Variants in AGPAT3 observed in about 807,000 individuals in gnomAD.
The protein encoded by AGPAT3 is 1-acylglycerol-3-phosphate O-acyltransferase 3.
AGPAT3 carries 5 observed loss-of-function variants against 47.3 expected under a neutral mutation model. The observed-to-expected ratio is 0.11, with a 90% CI of 0.06 to 0.22. The LOEUF (loss-of-function observed/expected upper bound fraction) is 0.22. Ranked by LOEUF, AGPAT3 falls within the 10% of genes least tolerant of loss-of-function variation. AGPAT3 has a pLI of 1.00. For missense variants in AGPAT3, 315 were observed against 493.0 expected (o/e 0.64, Z 3.42); for synonymous variants, 212 against 208.3 (o/e 1.02, Z -0.15).
intron 2 of AGPAT3, among the ~76,000 whole-genome samples, chr21:43,940,448 T>C (rs1182004735): frequency 6.6e-6 from 1 of 152,194 alleles, no homozygotes; most frequent in East Asian, 1.9e-4. Context: ...CCTAGCCCTT[T>C]GCAGGGGAAC....
rs201335409 is a variant in AGPAT3, at chr21:43,971,458, C to A, written c.735C>A (p.Tyr245Ter). 6.2e-7 allele frequency: 1 copy of A among 1,614,206 alleles called. No homozygotes were observed. Among genetic ancestry groups the A allele is most frequent in the Non-Finnish European group, 8.5e-7 (1 of 1,180,034 alleles). The change falls in exon 7 of 10, where the codon TAC becomes TAA. Residue 245 changes from tyrosine (Y) to a stop codon, truncating the protein, a stop_gained. Coordinates refer to ENST00000291572, the MANE Select transcript of AGPAT3 (RefSeq NM_020132.5). LOFTEE classifies it high-confidence loss of function. ...ACCCGTCCCTGCTGGGGATCCTCTACGGGAAGAAGTACGAGGCGGACATGT... is the reference window on the plus strand; with the variant it reads ...ACCCGTCCCTGCTGGGGATCCTCTAAGGGAAGAAGTACGAGGCGGACATGT... Reference protein sequence around the residue: ...NKNPSLLGILYGKKYEADMCV... With the variant: ...NKNPSLLGIL
In AGPAT3 at chr21:43,985,990, A is replaced by G. The variant is rs1026528867; in HGVS notation, c.*3598A>G. 2 of 152,268 alleles carry G rather than the reference A, an allele frequency of 1.3e-5. No homozygotes were observed. The highest frequency in any genetic ancestry group is 4.1e-4 in the South Asian group (2 of 4,838). 9.4% of individuals were successfully genotyped at this position (152,268 alleles called of 1,614,324 possible). On this transcript the variant is annotated 3_prime_UTR_variant, in exon 10 of 10. Coordinates refer to ENST00000291572, the MANE Select transcript of AGPAT3 (RefSeq NM_020132.5). ...CTGAGCTAGTCCCCAAACCAAAGGC[A>G]AGCCCCCTCGGGCCTCGGGGGATGG... is the stretch of plus-strand genomic sequence containing the variant.
intron 1 of AGPAT3, among the ~76,000 whole-genome samples, chr21:43,886,770 CAG>C (rs905587882): frequency 2.0e-5 from 3 of 152,174 alleles, no homozygotes; most frequent in Non-Finnish European, 4.4e-5. Flanking sequence ...TTGCAAATGA[CAG>C]AACCTCATTC....
Position 43,920,777 on chromosome 21 carries a change from A to G in AGPAT3, c.-49+16758A>G, listed in dbSNP as rs559743015. 7.2e-5 allele frequency among the ~76,000 whole-genome samples: 11 copies of G among 152,250 alleles called. No individual in the cohort carries two copies. Among genetic ancestry groups the G allele is most frequent in the African/African-American group, 2.2e-4 (9 of 41,544 alleles). ...ACAGCAGCTCCGAGCTCCCTGCCCC[A>G]TACCTCACCCTGTGCATCTCTTCAT... On this transcript the variant is annotated intron_variant, in intron 2 of 9. Transcript: ENST00000291572. This position sits in a 1 kb window ranked among gnomAD's most constrained non-coding sequence, Gnocchi z 6.1.
Position 43,980,980 on chromosome 21 carries a change from C to T in AGPAT3, c.844-9C>T, listed in dbSNP as rs764662678. On this transcript the variant is annotated splice_polypyrimidine_tract_variant and intron_variant, in intron 8 of 9. Transcript: ENST00000291572. ...CTCACGCTTCCTTTTTCTCTGTTGA[C>T]TCTTCTAGGACGCGCTCCAGGAGAT... is the stretch of plus-strand genomic sequence containing the variant. 6.2e-7 allele frequency: 1 copy of T among 1,607,556 alleles called. No homozygotes were observed. Among genetic ancestry groups the T allele is most frequent in the Non-Finnish European group, 8.5e-7 (1 of 1,175,522 alleles).
chr21:43,946,632 T>C (rs2087903129), intron 2 of AGPAT3, among the ~76,000 whole-genome samples: 2 of 151,756 alleles, frequency 1.3e-5, no homozygotes, highest in South Asian at 4.2e-4. Context: ...GAGACATTGA[T>C]GACCAGTTTA....
At chr21:43,882,660 G>A (rs2085879292) in intron 1 of AGPAT3, 1 of 152,362 alleles carries the variant, frequency 6.6e-6, no homozygotes, top group Non-Finnish European at 1.5e-5. Context: ...CTAAGAACCA[G>A]CAGTGCCTTC....
chr21:43,877,000 AG>A (rs1277799335), intron 1 of AGPAT3, among the ~76,000 whole-genome samples: 2 of 152,100 alleles, frequency 1.3e-5, no homozygotes. Flanking sequence ...CTGGGACTAC[AG>A]GTGCATGCCA....
At chr21:43,873,340 G>T (rs1195187567) in intron 1 of AGPAT3, among the ~76,000 whole-genome samples, 2 of 152,226 alleles carry the variant, frequency 1.3e-5, no homozygotes, top group Non-Finnish European at 2.9e-5. Flanking sequence ...GAAGGAGTGA[G>T]CCGCAGAAGT....
chr21:43,872,667 C>T (rs2085647020), intron 1 of AGPAT3, among the ~76,000 whole-genome samples: 1 of 152,188 alleles, frequency 6.6e-6, no homozygotes, highest in South Asian at 2.1e-4. Context: ...TCTGTTTCTT[C>T]CTTATATCTT....
Position 43,981,635 on chromosome 21 carries a change from G to A in AGPAT3, c.1042+448G>A, listed in dbSNP as rs556561358. Among the ~76,000 whole-genome samples the A allele has an allele frequency of 1.7e-4, 26 of 152,170 alleles. No individual in the cohort carries two copies. Among genetic ancestry groups the A allele is most frequent in the East Asian group, 9.7e-4 (5 of 5,170 alleles). ...CCAGGCACAATGCCAGGCCCACCAC[G>A]ACTCATCAGCTAGCCTGGGGCCGAA... is the stretch of plus-strand genomic sequence containing the variant. On this transcript the variant is annotated intron_variant, in intron 9 of 9. Transcript: ENST00000291572. The surrounding 1 kb of genome is among the most constrained non-coding windows in gnomAD (Gnocchi z 5.3).
Position 43,967,959 on chromosome 21 carries a change from G to C in AGPAT3, c.192G>C (p.Leu64=), listed in dbSNP as rs369212862. 3.5e-5 allele frequency: 56 copies of C among 1,613,872 alleles called. No individual in the cohort carries two copies. Among genetic ancestry groups the C allele is most frequent in the Non-Finnish European group, 4.6e-5 (54 of 1,179,986 alleles). ...AYSLWSQLVM[L]LEWWSCTECT... is the part of the protein sequence containing the mutation. Reference sequence around the variant, plus strand: ...CCCTGTCCGCAGAACTGGTCATGCTGCTGGAGTGGTGGTCCTGCACGGAGT... The same window carrying C: ...CCCTGTCCGCAGAACTGGTCATGCTCCTGGAGTGGTGGTCCTGCACGGAGT... The change falls in exon 4 of 10, where the codon CTG becomes CTC. Residue 64 remains leucine (L), a synonymous_variant. Coordinates refer to ENST00000291572, the MANE Select transcript of AGPAT3 (RefSeq NM_020132.5).
intron 1 of AGPAT3, among the ~76,000 whole-genome samples, chr21:43,887,484 G>A (rs1392482409): frequency 6.6e-6 from 1 of 152,094 alleles, no homozygotes; most frequent in Non-Finnish European, 1.5e-5. Flanking sequence ...TGATGAAGAA[G>A]GCCTTACTCT....
intron 2 of AGPAT3, among the ~76,000 whole-genome samples, chr21:43,924,394 C>T (rs1238335019): frequency 6.6e-6 from 1 of 152,182 alleles, no homozygotes; most frequent in African/African-American, 2.4e-5. Context: ...TGTCACCCTT[C>T]CCACTCAGGA....
intron 2 of AGPAT3, among the ~76,000 whole-genome samples, chr21:43,947,485 G>A (rs944555378): frequency 1.2e-4 from 19 of 152,234 alleles, no homozygotes; most frequent in African/African-American, 2.9e-4. Context: ...GCCTGGAAAC[G>A]TCGCAGTCTC....
intron 1 of AGPAT3, among the ~76,000 whole-genome samples, chr21:43,893,402 C>T (rs552109280): frequency 1.1e-4 from 16 of 152,230 alleles, no homozygotes; most frequent in Non-Finnish European, 1.9e-4. Flanking sequence ...CTCCGGACCA[C>T]TCGAACTTTC....
rs1218018091 is a variant in AGPAT3, at chr21:43,972,185, C to T, written c.767+695C>T. On this transcript the variant is annotated intron_variant, in intron 7 of 9. Coordinates refer to ENST00000291572, the MANE Select transcript of AGPAT3 (RefSeq NM_020132.5). ...TTGGAGACGGAGTTTCACCCCATCG[C>T]CCAGGCTGGCATGCAGTGGCTCAAT... Among the ~76,000 whole-genome samples the T allele has an allele frequency of 3.3e-5, 5 of 152,150 alleles. No individual in the cohort carries two copies. In the East Asian group the frequency reaches 9.7e-4, roughly 29 times the overall value.
chr21:43,975,263 CTGGTGTGTGCTGGCGTGTGGTATGTTT>C (rs1341671989), intron 7 of AGPAT3, among the ~76,000 whole-genome samples: 3 of 143,078 alleles, frequency 2.1e-5, no homozygotes, highest in African/African-American at 5.3e-5. Context: ...GTGGTGTGTT[CTGGTGTGTGCTGGCGTGTGGTATGTTT>C]TGGTGTGTGC....
At chr21:43,938,474 AAT>A (rs2087528089) in intron 2 of AGPAT3, among the ~76,000 whole-genome samples, 1 of 151,820 alleles carries the variant, frequency 6.6e-6, no homozygotes, top group African/African-American at 2.4e-5. Context: ...TTGTATTTTT[AAT>A]AGAGACAGGG....
Sources: allele counts gnomAD v4.1 joint callset (sites outside exome capture counted in the v4.1 genomes callset), GRCh38; gene constraint gnomAD v4.1.1; non-coding constraint Gnocchi (gnomAD v3.1); transcripts MANE v1.5; gene names NCBI Gene and HGNC (gene_info 2026-07-23, HGNC 2026-07-21).